The following SEPTIN7 variants were observed in gnomAD, a reference collection of about 807,000 sequenced individuals.
SEPTIN7 encodes the protein septin-7.
A neutral mutation model predicts 63.3 loss-of-function variants in SEPTIN7; 10 were observed. The ratio of observed to expected loss-of-function variants is 0.16; its 90% CI spans 0.10 to 0.27. The LOEUF (loss-of-function observed/expected upper bound fraction) is 0.27. Among genes scored for constraint, SEPTIN7 ranks in the 10% least tolerant of loss-of-function variants. The pLI is 1.00. For missense variants in SEPTIN7, 310 were observed against 521.0 expected (o/e 0.59, Z 3.94); for synonymous variants, 131 against 165.3 (o/e 0.79, Z 1.59).
chr7:35,812,994 A>C (rs764168755), intron 1 of SEPTIN7, among the ~76,000 whole-genome samples: 19 of 152,318 alleles, frequency 1.2e-4, no homozygotes, highest in Non-Finnish European at 2.1e-4. Flanking sequence ...TTTGGGAATA[A>C]CTTTTCTGCA....
intron 9 of SEPTIN7, among the ~76,000 whole-genome samples, chr7:35,884,334 G>A (rs1787090140): frequency 6.6e-6 from 1 of 152,104 alleles, no homozygotes; most frequent in Non-Finnish European, 1.5e-5. Context: ...CTGAATTTTG[G>A]ATTTTTGGAT....
chr7:35,890,471 G>C (rs1399061420), intron 10 of SEPTIN7, 197 bp from the exon 11 acceptor site: 1 of 340,058 alleles, frequency 2.9e-6, no homozygotes, highest in African/African-American at 2.1e-5. Context: ...TTGGTGTCAA[G>C]TTAGCTTATT....
At chr7:35,813,498 C>T (rs1053287343) in intron 1 of SEPTIN7, among the ~76,000 whole-genome samples, 1 of 152,112 alleles carries the variant, frequency 6.6e-6, no homozygotes, top group African/African-American at 2.4e-5. Flanking sequence ...GCTGGCCTCC[C>T]CAGTAGCTGG....
intron 10 of SEPTIN7, among the ~76,000 whole-genome samples, chr7:35,889,102 G>A (rs1240762952): frequency 2.6e-5 from 4 of 152,206 alleles, no homozygotes; most frequent in South Asian, 4.1e-4. Flanking sequence ...AAAAATGAAT[G>A]ACAACCAAGG....
intron 4 of SEPTIN7, among the ~76,000 whole-genome samples, chr7:35,869,044 T>C (rs972586515): frequency 6.6e-6 from 1 of 152,136 alleles, no homozygotes; most frequent in African/African-American, 2.4e-5. Flanking sequence ...TTGTTGAGGT[T>C]GAAAGTCATG....
chr7:35,834,544 A>C (rs1347660811), intron 3 of SEPTIN7, among the ~76,000 whole-genome samples: 1 of 152,102 alleles, frequency 6.6e-6, no homozygotes, highest in Non-Finnish European at 1.5e-5. Flanking sequence ...ACTGAGGCCA[A>C]AGAAAAATAG....
intron 10 of SEPTIN7, among the ~76,000 whole-genome samples, chr7:35,887,135 T>C (rs1174715447): frequency 6.6e-6 from 1 of 152,190 alleles, no homozygotes; most frequent in East Asian, 1.9e-4. Flanking sequence ...AGAATACATA[T>C]TAATAATATA....
At chr7:35,803,541 A>G (rs763107513) in intron 1 of SEPTIN7, among the ~76,000 whole-genome samples, 1 of 152,248 alleles carries the variant, frequency 6.6e-6, no homozygotes, top group East Asian at 1.9e-4. Context: ...GATGATATAC[A>G]TATTCATTGT....
intron 1 of SEPTIN7, among the ~76,000 whole-genome samples, chr7:35,827,306 A>G (rs1033119117): frequency 1.5e-5 from 2 of 131,142 alleles, no homozygotes; most frequent in African/African-American, 6.8e-5. Flanking sequence ...TGTATCACTC[A>G]CATCTATAAA....
intron 1 of SEPTIN7, among the ~76,000 whole-genome samples, chr7:35,827,275 C>T (rs1369239822): frequency 6.6e-6 from 1 of 152,030 alleles, no homozygotes; most frequent in African/African-American, 2.4e-5. Context: ...TTTATTTATA[C>T]ATACTTATAA....
chr7:35,908,486 T>C (rs1221164774), downstream of SEPTIN7, among the ~76,000 whole-genome samples: 1 of 152,174 alleles, frequency 6.6e-6, no homozygotes, highest in African/African-American at 2.4e-5. Context: ...TGAAACCCTA[T>C]TGGCCACACG....
chr7:35,827,338 A>G (rs1282947773), intron 1 of SEPTIN7, among the ~76,000 whole-genome samples: 1 of 152,138 alleles, frequency 6.6e-6, no homozygotes. Context: ...ATCCCGAGAT[A>G]TTTCACACTG....
At chr7:35,810,105 T>A (rs1289192088) in intron 1 of SEPTIN7, among the ~76,000 whole-genome samples, 1 of 152,184 alleles carries the variant, frequency 6.6e-6, no homozygotes, top group Non-Finnish European at 1.5e-5. Flanking sequence ...CAAGTGGACA[T>A]GTCTTGTAGG....
chr7:35,880,967 A>G (rs561153979), intron 7 of SEPTIN7, among the ~76,000 whole-genome samples: 1 of 152,090 alleles, frequency 6.6e-6, no homozygotes, highest in Non-Finnish European at 1.5e-5. Flanking sequence ...GGCCAGTAGT[A>G]TATTGTTTAA....
intron 1 of SEPTIN7, among the ~76,000 whole-genome samples, chr7:35,818,231 G>A (rs1171322222): frequency 6.6e-6 from 1 of 151,948 alleles, no homozygotes; most frequent in African/African-American, 2.4e-5. Context: ...CTACTGAGAT[G>A]ATTATGTGTT....
chr7:35,801,315 G>A lies in SEPTIN7; in HGVS notation c.61+45G>A, dbSNP rs577086727. 406 of 1,513,746 alleles carry A rather than the reference G, an allele frequency of 2.7e-4. 1 individual carries two copies. The highest frequency in any genetic ancestry group is 1.4e-3 in the South Asian group (110 of 80,062). The allele number at this position is 1,513,746 out of a possible 1,614,324, so 93.8% of individuals were successfully genotyped here. ...GCCGCGACTTGGGGTCAGCGGCTCCGAATGCCGGGAAGCTCTGCGGCCGCT... is the reference window on the plus strand; with the variant it reads ...GCCGCGACTTGGGGTCAGCGGCTCCAAATGCCGGGAAGCTCTGCGGCCGCT... On this transcript the variant is annotated intron_variant, in intron 1 of 13. Coordinates refer to ENST00000350320, the MANE Select transcript of SEPTIN7 (RefSeq NM_001788.6).
At chr7:35,907,443 G>C (rs1788650843), downstream of SEPTIN7, among the ~76,000 whole-genome samples, 1 of 151,962 alleles carries the variant, frequency 6.6e-6, no homozygotes, top group Non-Finnish European at 1.5e-5. Context: ...ATCTCTTAAG[G>C]TAACTTATTA....
intron 3 of SEPTIN7, among the ~76,000 whole-genome samples, chr7:35,855,517 A>C (rs1433330482): frequency 6.6e-6 from 1 of 152,188 alleles, no homozygotes; most frequent in African/African-American, 2.4e-5. Context: ...TGGTTGACTT[A>C]CTTTCTTTAG....
intron 3 of SEPTIN7, among the ~76,000 whole-genome samples, chr7:35,850,648 T>G (rs1435708335): frequency 6.6e-6 from 1 of 152,208 alleles, no homozygotes; most frequent in African/African-American, 2.4e-5. Flanking sequence ...GTGACCTCCT[T>G]TCCAGGCTGG....
Sources: allele counts gnomAD v4.1 joint callset (sites outside exome capture counted in the v4.1 genomes callset), GRCh38; gene constraint gnomAD v4.1.1; transcripts MANE v1.5; gene names NCBI Gene and HGNC (gene_info 2026-07-23, HGNC 2026-07-21).